FBXO34: variants seen among roughly 807,000 people sequenced by gnomAD.
FBXO34 encodes F-box only protein 34.
In FBXO34, 12 loss-of-function variants were observed where a neutral mutation model predicts 24.5. The ratio of observed to expected loss-of-function variants is 0.49; its 90% CI spans 0.31 to 0.79. The LOEUF (loss-of-function observed/expected upper bound fraction) is 0.79, where lower values mean the gene tolerates loss of function less well. FBXO34 is among the 30% of genes least tolerant of loss of function. The pLI, the probability that FBXO34 is intolerant of heterozygous loss-of-function variation, is 0.04. For missense variants in FBXO34, 823 were observed against 857.7 expected (o/e 0.96, Z 0.51); for synonymous variants, 320 against 311.9 (o/e 1.03, Z -0.27).
the FBXO34 span, chr14:55,436,675 G>C: frequency 2.5e-6 from 4 of 1,614,242 alleles, 1 homozygote; most frequent in Non-Finnish European, 1.7e-6. Context: ...GGGCTGGACT[G>C]AGTCAGTATC....
At chr14:55,291,534 GT>G (rs1476784670) in intron 1 of FBXO34, among the ~76,000 whole-genome samples, 1 of 152,152 alleles carries the variant, frequency 6.6e-6, no homozygotes, top group East Asian at 1.9e-4. Flanking sequence ...TTCTTTAGGA[GT>G]TTTTAAATTA....
chr14:55,348,049 C>G (rs1464293579), intron 1 of FBXO34, among the ~76,000 whole-genome samples: 1 of 152,142 alleles, frequency 6.6e-6, no homozygotes, highest in Non-Finnish European at 1.5e-5. Context: ...CTGGGTAGCT[C>G]TATTTGTAAG....
At chr14:55,387,409 A>C in the FBXO34 span, among the ~76,000 whole-genome samples, 1 of 152,116 alleles carries the variant, frequency 6.6e-6, no homozygotes, top group Non-Finnish European at 1.5e-5. Context: ...TAAATGTTTG[A>C]ATTTTACTCA....
the FBXO34 span, among the ~76,000 whole-genome samples, chr14:55,411,387 T>C: frequency 6.6e-6 from 1 of 152,030 alleles, no homozygotes; most frequent in African/African-American, 2.4e-5. Context: ...TCCTCTTGGG[T>C]GGGTGATGGG....
At chr14:55,435,436 C>A in the FBXO34 span, among the ~76,000 whole-genome samples, 2 of 152,024 alleles carry the variant, frequency 1.3e-5, no homozygotes, top group African/African-American at 4.8e-5. Context: ...CCACAACATC[C>A]AGCTAATTTT....
chr14:55,375,188 A>G, the FBXO34 span, among the ~76,000 whole-genome samples: 5 of 152,260 alleles, frequency 3.3e-5, no homozygotes, highest in African/African-American at 1.2e-4. Flanking sequence ...TAATTTTTAT[A>G]ATCATTTTAC....
the FBXO34 span, among the ~76,000 whole-genome samples, chr14:55,410,535 C>A: frequency 6.6e-6 from 1 of 152,172 alleles, no homozygotes; most frequent in Non-Finnish European, 1.5e-5. Context: ...TCATTCAAAC[C>A]TCCTCAAAAG....
the FBXO34 span, among the ~76,000 whole-genome samples, chr14:55,441,711 T>C: frequency 6.6e-6 from 1 of 152,204 alleles, no homozygotes; most frequent in African/African-American, 2.4e-5. Context: ...TAATTTTCAG[T>C]GCCTGCATAA....
chr14:55,434,158 A>G, the FBXO34 span, among the ~76,000 whole-genome samples: 1 of 152,232 alleles, frequency 6.6e-6, no homozygotes, highest in Non-Finnish European at 1.5e-5. Flanking sequence ...AAAAATAAGT[A>G]TGTTAAAGGC....
intron 1 of FBXO34, among the ~76,000 whole-genome samples, chr14:55,309,026 G>A (rs772378854): frequency 6.6e-6 from 1 of 152,116 alleles, no homozygotes; most frequent in Non-Finnish European, 1.5e-5. Flanking sequence ...ATGGTAACTA[G>A]TAGACTTGTT....
intron 1 of FBXO34, among the ~76,000 whole-genome samples, chr14:55,331,872 A>AT (rs1883592098): frequency 1.1e-5 from 1 of 91,906 alleles, no homozygotes; most frequent in African/African-American, 5.0e-5. Flanking sequence ...GTATATATAA[A>AT]AATATATATA....
Position 55,352,742 on chromosome 14 carries a change from G to A in FBXO34, c.*216G>A. 3 of 505,116 alleles carry A rather than the reference G, an allele frequency of 5.9e-6. No homozygotes were observed. The allele number at this position is 505,116 out of a possible 1,614,324, so 31.3% of individuals were successfully genotyped here. The stretch of plus-strand genomic sequence containing the variant: ...AGTGGCATCTCATGTTTGAACCCGG[G>A]TGGTATCCCACAGTTGGATTCAGTT... On this transcript the variant is annotated 3_prime_UTR_variant, in exon 2 of 2. Coordinates refer to ENST00000313833, the MANE Select transcript of FBXO34 (RefSeq NM_017943.4).
chr14:55,411,598 G>A, the FBXO34 span: 2 of 1,604,808 alleles, frequency 1.2e-6, no homozygotes, highest in Admixed American at 3.4e-5. Flanking sequence ...GGCGGCCGCC[G>A]TACCTCTCCC....
chr14:55,442,959 G>A, the FBXO34 span, among the ~76,000 whole-genome samples: 3 of 152,238 alleles, frequency 2.0e-5, no homozygotes, highest in Non-Finnish European at 2.9e-5. Context: ...GAAAGAGAGC[G>A]GCCTCAAGAG....
rs117946406 is a variant in FBXO34, at chr14:55,303,726, G to A, written c.-11+32189G>A. On this transcript the variant is annotated intron_variant, in intron 1 of 1. Coordinates refer to ENST00000313833, the MANE Select transcript of FBXO34 (RefSeq NM_017943.4). ...TTCCCACTCCCCCTTAATAAAAATA[G>A]TAACTTTTGTGAAAGAGGGAGAATG... 8.3e-3 allele frequency among the ~76,000 whole-genome samples: 1,260 copies of A among 151,210 alleles called. 26 individuals carry two copies. Among genetic ancestry groups the A allele is most frequent in the South Asian group, 0.061 (293 of 4,776 alleles).
rs371099912 is a variant in FBXO34 at position 55,352,539 on chromosome 14, A to T, written c.*13A>T. ...AGAGGAATACTAAAGTCCATGTGAG[A>T]GGCAACAAAAGGACCGGTTTCTAAA... On this transcript the variant is annotated 3_prime_UTR_variant, in exon 2 of 2. Transcript: ENST00000313833. 4.6e-4 allele frequency: 726 copies of T among 1,572,736 alleles called. No individual in the cohort carries two copies. Among genetic ancestry groups the T allele is most frequent in the Non-Finnish European group, 6.1e-4 (711 of 1,161,088 alleles).
At chr14:55,323,183 TCAAAAAAAA>T (rs1883206674) in intron 1 of FBXO34, among the ~76,000 whole-genome samples, 3 of 4,020 alleles carry the variant, frequency 7.5e-4, no homozygotes, top group African/African-American at 3.0e-3. Context: ...AGACTCTGTC[TCAAAAAAAA>T]AAAAAAAAAA....
intron 1 of FBXO34, among the ~76,000 whole-genome samples, chr14:55,284,627 T>G (rs1240122783): frequency 6.7e-6 from 1 of 148,628 alleles, no homozygotes; most frequent in East Asian, 1.9e-4. Context: ...GTTACTTTTT[T>G]TTTTTTTTTT....
the FBXO34 span, among the ~76,000 whole-genome samples, chr14:55,410,355 A>G: frequency 6.6e-6 from 1 of 152,320 alleles, no homozygotes; most frequent in East Asian, 1.9e-4. Context: ...GACAGACAAG[A>G]AGGTCCAGAA....
Sources: gnomAD v4.1 joint callset for allele counts (sites outside exome capture counted in the v4.1 genomes callset) on GRCh38, gnomAD v4.1.1 for gene constraint, MANE v1.5 for transcripts, NCBI Gene and HGNC (gene_info 2026-07-23, HGNC 2026-07-21) for gene names.